The following BTN3A1 variants were observed in gnomAD, a reference collection of about 807,000 sequenced individuals.
BTN3A1 encodes the protein dJ45P21.3 (butyrophilin, subfamily 3, member A1).
In BTN3A1, 24 loss-of-function variants were observed where a neutral mutation model predicts 43.0. The observed-to-expected ratio is 0.56, with a 90% CI of 0.40 to 0.78. BTN3A1 has a LOEUF of 0.78. BTN3A1 is among the 30% of genes least tolerant of loss of function. The probability of loss-of-function intolerance (pLI) is 0.00; values close to 1 mark genes in which losing one functional copy is unlikely to be tolerated. For synonymous variants in BTN3A1, 181 were observed against 234.7 expected (o/e 0.77, Z 2.09); for missense variants, 533 against 626.2 (o/e 0.85, Z 1.59).
At chr6:26,404,626 A>G (rs2113784033) in intron 1 of BTN3A1, 1 of 152,338 alleles carries the variant, frequency 6.6e-6, no homozygotes, top group Middle Eastern at 3.4e-3. Flanking sequence ...CAGTCTCCTG[A>G]TGGGTGGCTG....
chr6:26,412,949 G>A (rs1311348193), intron 9 of BTN3A1: 12 of 1,457,792 alleles, frequency 8.2e-6, no homozygotes, highest in Non-Finnish European at 9.9e-6. Flanking sequence ...AGATGCTGAG[G>A]CAACCCTCAT....
chr6:26,412,596 A>T lies in BTN3A1; in HGVS notation c.1019-573A>T, dbSNP rs890409808. On this transcript the variant is annotated intron_variant, in intron 9 of 9. Coordinates refer to ENST00000289361, the MANE Select transcript of BTN3A1 (RefSeq NM_007048.6). ...GAGCCCAGCACAGAGACGGCCTTGC[A>T]GCTATCAGGAAGATGAGGAGCTTCC... The T allele has an allele frequency of 7.6e-5, 118 of 1,546,576 alleles. No homozygotes were observed. The Middle Eastern group carries it at 1.5e-3, about 20-fold the overall frequency.
chr6:26,413,421 T>G lies in BTN3A1; in HGVS notation c.1271T>G (p.Met424Arg). 1 of 1,614,044 alleles carries G rather than the reference T, an allele frequency of 6.2e-7. No homozygotes were observed. The highest frequency in any genetic ancestry group is 8.5e-7 in the Non-Finnish European group (1 of 1,180,004). The change falls in exon 10 of 10, where the codon ATG (methionine) becomes AGG (arginine). Residue 424 changes from methionine (M) to arginine (R), a missense_variant. By Grantham distance (91) the Met-to-Arg change is moderately conservative. This residue lies in a region of BTN3A1 where 415 missense variants were observed against 427.0 expected (regional missense o/e 0.97). Coordinates refer to ENST00000289361, the MANE Select transcript of BTN3A1 (RefSeq NM_007048.6). ...KNVQRKGWVK[M>R]TPENGFWTMG... ...GTGCAGAGAAAAGGCTGGGTCAAAA[T>G]GACACCTGAGAATGGATTCTGGACT...
At chr6:26,411,022 AAG>A in intron 7 of BTN3A1, 85 bp from the exon 8 acceptor site, 11 of 1,118,410 alleles carry the variant, frequency 9.8e-6, no homozygotes, top group East Asian at 8.0e-5. Context: ...AAAAAAAAAA[AAG>A]ATTAGATGGA....
chr6:26,409,436 C>A, intron 4 of BTN3A1, 97 bp from the exon 5 acceptor site: 6 of 1,132,242 alleles, frequency 5.3e-6, no homozygotes, highest in Non-Finnish European at 8.0e-6. Context: ...AGATTCCGTG[C>A]CCTGTGACCT....
chr6:26,405,682 G>A, intron 2 of BTN3A1, 34 bp downstream of exon 2: 1 of 1,610,774 alleles, frequency 6.2e-7, no homozygotes, highest in Non-Finnish European at 8.5e-7. Context: ...TTCTGAAGCA[G>A]ACAATTACCT....
At chr6:26,409,424 A>T (rs1762128070) in intron 4 of BTN3A1, 109 bp from the exon 5 acceptor site, 1 of 1,037,510 alleles carries the variant, frequency 9.6e-7, no homozygotes, top group South Asian at 1.3e-5. Flanking sequence ...ACCTCATGAG[A>T]TAGATTCCGT....
intron 8 of BTN3A1, 48 bp downstream of exon 8, chr6:26,411,183 A>G (rs916479182): frequency 5.0e-6 from 8 of 1,589,982 alleles, no homozygotes; most frequent in Non-Finnish European, 6.0e-6. Context: ...CGTGCCATGA[A>G]CATTTCAACC....
chr6:26,410,545 C>A (rs1384867867), intron 7 of BTN3A1, among the ~76,000 whole-genome samples: 6 of 151,918 alleles, frequency 3.9e-5, no homozygotes, highest in African/African-American at 7.3e-5. Flanking sequence ...AAAAGTGTGT[C>A]TAATAAACAA....
chr6:26,410,895 G>A (rs768454470), intron 7 of BTN3A1, among the ~76,000 whole-genome samples: 4 of 149,354 alleles, frequency 2.7e-5, no homozygotes, highest in Admixed American at 6.7e-5. Context: ...AGGAACTCTC[G>A]CAATGTCTGC....
intron 8 of BTN3A1, 120 bp from the exon 9 acceptor site, chr6:26,411,435 G>T (rs1023495811): frequency 7.8e-7 from 1 of 1,284,600 alleles, no homozygotes; most frequent in African/African-American, 1.5e-5. Flanking sequence ...AGAAGAGGGA[G>T]GCTGGACCCT....
rs1762311364 is a variant in BTN3A1 at position 26,413,956 on chromosome 6, T to G, written c.*264T>G. On this transcript the variant is annotated 3_prime_UTR_variant, in exon 10 of 10. Coordinates refer to ENST00000289361, the MANE Select transcript of BTN3A1 (RefSeq NM_007048.6). The stretch of plus-strand genomic sequence containing the variant: ...GTTGTTTGAGTTTGGTACCATCTTA[T>G]TTTCCCCTTATACAGATAAGGAAAC... 1.8e-6 allele frequency: 1 copy of G among 541,880 alleles called. No individual in the cohort carries two copies. Among genetic ancestry groups the G allele is most frequent in the South Asian group, 2.0e-5 (1 of 50,140 alleles). The allele number at this position is 541,880 out of a possible 1,614,324, so 33.6% of individuals were successfully genotyped here. A position where few individuals can be genotyped will look rare whatever the true frequency, so the allele number is the denominator to read the frequency against.
intron 1 of BTN3A1, among the ~76,000 whole-genome samples, 180 bp from the exon 2 acceptor site, chr6:26,405,192 C>T (rs985774908): frequency 2.6e-5 from 4 of 152,096 alleles, no homozygotes; most frequent in African/African-American, 4.8e-5. Context: ...CGGTCGACCC[C>T]GGTGGAACCA....
At chr6:26,405,833 C>A in intron 2 of BTN3A1, 76 bp from the exon 3 acceptor site, 1 of 1,610,860 alleles carries the variant, frequency 6.2e-7, no homozygotes, top group East Asian at 2.2e-5. Flanking sequence ...CTCGCCTTCC[C>A]TGTCTGAGAA....
chr6:26,406,485 A>G (rs555184264), intron 3 of BTN3A1, among the ~76,000 whole-genome samples: 78 of 152,286 alleles, frequency 5.1e-4, no homozygotes, highest in South Asian at 3.9e-3. Flanking sequence ...TCCTCTGGCC[A>G]CCAGAGATAT....
At chr6:26,402,452 C>G (rs1303404790) in intron 1 of BTN3A1, 40 bp downstream of exon 1, 1 of 152,286 alleles carries the variant, frequency 6.6e-6, no homozygotes, top group Non-Finnish European at 1.5e-5. Flanking sequence ...TTCACAATGC[C>G]TGGGAGGACA....
chr6:26,414,025 G>C lies in BTN3A1; in HGVS notation c.*333G>C, dbSNP rs1010414796. The C allele has an allele frequency of 5.5e-6, 2 of 365,550 alleles. No individual in the cohort carries two copies. The highest frequency in any genetic ancestry group is 1.0e-5 in the Non-Finnish European group (2 of 193,462). 22.6% of individuals were successfully genotyped at this position (365,550 alleles called of 1,614,324 possible). A position where few individuals can be genotyped will look rare whatever the true frequency, so the allele number is the denominator to read the frequency against. ...ATTGACTACAAAGTAGACATGACTA[G>C]TTAACAACACAGCTGGGATCTAAAC... On this transcript the variant is annotated 3_prime_UTR_variant, in exon 10 of 10. Coordinates refer to ENST00000289361, the MANE Select transcript of BTN3A1 (RefSeq NM_007048.6).
In BTN3A1 at chr6:26,412,678, A is replaced by T. The variant is rs937391550; in HGVS notation, c.1019-491A>T. On this transcript the variant is annotated intron_variant, in intron 9 of 9. Transcript: ENST00000289361. ...ATGATTGCCTTCTACAGCGCTAGAG[A>T]TTCATTTGTTTATCCCCATTTTTCA... 5 of 1,551,224 alleles carry T rather than the reference A, an allele frequency of 3.2e-6. No homozygotes were observed. The East Asian group carries it at 9.8e-5, about 30-fold the overall frequency.
At position 26,415,112 on chromosome 6, in the gene BTN3A1, T is replaced by G. The variant is rs1258067119; in HGVS notation, c.*1420T>G. 6.6e-6 allele frequency: 1 copy of G among 152,178 alleles called. No individual in the cohort carries two copies. Among genetic ancestry groups the G allele is most frequent in the African/African-American group, 2.4e-5 (1 of 41,434 alleles). The allele number at this position is 152,178 out of a possible 1,614,324, so 9.4% of individuals were successfully genotyped here. ...CTGCCTGCTAGGGAAAAACTACTCCTCATTATCATCATTATTATTGCTCTC... is the reference window on the plus strand; with the variant it reads ...CTGCCTGCTAGGGAAAAACTACTCCGCATTATCATCATTATTATTGCTCTC... On this transcript the variant is annotated 3_prime_UTR_variant, in exon 10 of 10. Coordinates refer to ENST00000289361, the MANE Select transcript of BTN3A1 (RefSeq NM_007048.6).
Sources: gnomAD v4.1 joint callset for allele counts (sites outside exome capture counted in the v4.1 genomes callset) on GRCh38, gnomAD v4.1.1 for gene constraint, gnomAD v4.1.1 regional missense constraint, MANE v1.5 for transcripts, NCBI Gene and HGNC (gene_info 2026-07-23, HGNC 2026-07-21) for gene names.